PRRC1: variants seen among roughly 807,000 people sequenced by gnomAD.
The protein encoded by PRRC1 is protein PRRC1.
In PRRC1, 39 loss-of-function variants were observed where a neutral mutation model predicts 40.7. The observed-to-expected ratio is 0.96, with a 90% CI of 0.74 to 1.25. The LOEUF (loss-of-function observed/expected upper bound fraction) is 1.25. PRRC1 is among the 50% of genes most tolerant of loss of function. The pLI, the probability that PRRC1 is intolerant of heterozygous loss-of-function variation, is 0.00. For missense variants in PRRC1, 573 were observed against 548.3 expected, an observed-to-expected ratio of 1.05 and a Z score of -0.45; for synonymous variants, 175 against 193.3, an observed-to-expected ratio of 0.91 and a Z score of 0.79.
At chr5:127,518,731 CTTT>C (rs79976581) in intron 1 of PRRC1, among the ~76,000 whole-genome samples, 3 of 139,766 alleles carry the variant, frequency 2.1e-5, no homozygotes, top group Admixed American at 7.2e-5. Context: ...TAGACATCCA[CTTT>C]TTTTTTTTTT....
chr5:127,545,500 A>C (rs1431126302), intron 7 of PRRC1, among the ~76,000 whole-genome samples: 1 of 152,046 alleles, frequency 6.6e-6, no homozygotes, highest in Non-Finnish European at 1.5e-5. Flanking sequence ...CATGGATGAA[A>C]TTGGAAATCA....
intron 7 of PRRC1, among the ~76,000 whole-genome samples, chr5:127,544,564 C>T (rs1405817062): frequency 6.6e-6 from 1 of 152,256 alleles, no homozygotes; most frequent in Admixed American, 6.5e-5. Flanking sequence ...TTTTGTTTAC[C>T]TAAGCAAGTC....
chr5:127,543,033 T>A (rs151788), intron 7 of PRRC1, among the ~76,000 whole-genome samples: 1 of 147,380 alleles, frequency 6.8e-6, no homozygotes, highest in Non-Finnish European at 1.5e-5. Flanking sequence ...TTTCCATGTT[T>A]AGTGCTTCCT....
At chr5:127,528,385 G>C (rs1209886471) in intron 4 of PRRC1, among the ~76,000 whole-genome samples, 1 of 151,950 alleles carries the variant, frequency 6.6e-6, no homozygotes, top group Non-Finnish European at 1.5e-5. Flanking sequence ...TGCGATCTTG[G>C]CTTACTGCAA....
intron 6 of PRRC1, among the ~76,000 whole-genome samples, chr5:127,537,403 C>T (rs1767927088): frequency 6.6e-6 from 1 of 151,696 alleles, no homozygotes; most frequent in Non-Finnish European, 1.5e-5. Context: ...CAAAAGAGGC[C>T]ACATTTAATT....
At position 127,526,660 on chromosome 5, in the gene PRRC1, C is replaced by G; in HGVS notation, c.536C>G (p.Ser179Cys). The G allele has an allele frequency of 6.2e-7, 1 of 1,613,384 alleles. No individual in the cohort carries two copies. The highest frequency in any genetic ancestry group is 8.5e-7 in the Non-Finnish European group (1 of 1,179,618). The change falls in exon 4 of 9, where the codon TCT becomes TGT. Residue 179 changes from serine to cysteine, a missense_variant. Physicochemically the swap from Ser to Cys is moderately radical, Grantham distance 112. Transcript: ENST00000296666. ...ATTACTCAGCAAGCCAGTTTGACAT[C>G]TCTGGCACAGGGAACTGGAACCACA... The part of the protein sequence containing the change: ...TPITQQASLT[S>C]LAQGTGTTSA...
rs1454321167 is a variant in PRRC1, at chr5:127,517,660, C to G, written c.-137C>G. On this transcript the variant is annotated 5_prime_UTR_variant, in exon 1 of 9. Transcript: ENST00000296666. ...TGGCCATCTTGTAGGCGGGGACACGCCGAGGTAACTTCCAGGGTGCGCCTT... is the reference window on the plus strand; with the variant it reads ...TGGCCATCTTGTAGGCGGGGACACGGCGAGGTAACTTCCAGGGTGCGCCTT... 2.6e-5 allele frequency: 4 copies of G among 151,668 alleles called. No homozygotes were observed. The highest frequency in any genetic ancestry group is 5.9e-5 in the Non-Finnish European group (4 of 67,858). The allele number at this position is 151,668 out of a possible 1,614,324, so 9.4% of individuals were successfully genotyped here.
rs1181392419 is a variant in PRRC1, at chr5:127,533,658, A to C, written c.793A>C (p.Asn265His). 3 of 1,613,990 alleles carry C rather than the reference A, an allele frequency of 1.9e-6. No homozygotes were observed. The highest frequency in any genetic ancestry group is 2.5e-6 in the Non-Finnish European group (3 of 1,179,996). The change falls in exon 6 of 9, where the codon AAT becomes CAT. Residue 265 changes from asparagine to histidine, a missense_variant. By Grantham distance (68) the Asn-to-His change is moderately conservative. Coordinates refer to ENST00000296666, the MANE Select transcript of PRRC1 (RefSeq NM_130809.5). ...GGELDIVVTS[N>H]KEVKVAAVRD... The stretch of plus-strand genomic sequence containing the variant: ...TGAACTGGATATTGTAGTGACCTCA[A>C]ATAAAGAAGTAAAAGTTGCTGCTGT...
At chr5:127,549,456 G>A (rs563121584) in intron 8 of PRRC1, 1 of 148,214 alleles carries the variant, frequency 6.7e-6, no homozygotes, top group South Asian at 2.2e-4. Flanking sequence ...ATGTAATTCA[G>A]TACATGAACA....
At position 127,552,910 on chromosome 5, in the gene PRRC1, T is replaced by C; in HGVS notation, c.*994T>C. 1.1e-6 allele frequency: 1 copy of C among 940,236 alleles called. No individual in the cohort carries two copies. Among genetic ancestry groups the C allele is most frequent in the Non-Finnish European group, 1.3e-6 (1 of 788,974 alleles). 58.2% of individuals were successfully genotyped at this position (940,236 alleles called of 1,614,324 possible). A position where few individuals can be genotyped will look rare whatever the true frequency, so the allele number is the denominator to read the frequency against. ...ATTTGGTCTTTACTTTTTATGGATGTTTTCAAAGAAACTATTTTATATTCA... is the reference window on the plus strand; with the variant it reads ...ATTTGGTCTTTACTTTTTATGGATGCTTTCAAAGAAACTATTTTATATTCA... On this transcript the variant is annotated 3_prime_UTR_variant, in exon 9 of 9. Coordinates refer to ENST00000296666, the MANE Select transcript of PRRC1 (RefSeq NM_130809.5).
intron 5 of PRRC1, among the ~76,000 whole-genome samples, chr5:127,530,981 TCA>T (rs1249528592): frequency 6.6e-6 from 1 of 152,180 alleles, no homozygotes. Flanking sequence ...TGAAAAAATA[TCA>T]CAAGGCTTAG....
In PRRC1 at chr5:127,554,449, T is replaced by C. The variant is rs780202777; in HGVS notation, c.*2533T>C. 3 of 152,146 alleles carry C rather than the reference T, an allele frequency of 2.0e-5. No homozygotes were observed. Among genetic ancestry groups the C allele is most frequent in the African/African-American group, 2.4e-5 (1 of 41,430 alleles). 9.4% of individuals were successfully genotyped at this position (152,146 alleles called of 1,614,324 possible). On this transcript the variant is annotated 3_prime_UTR_variant, in exon 9 of 9. Transcript: ENST00000296666. ...ATACAAATTATTGAATTTTATAAGC[T>C]TGTACACAATATTTAATTAGTGTGA...
At chr5:127,538,271 A>G (rs189546720) in intron 6 of PRRC1, among the ~76,000 whole-genome samples, 16 of 152,122 alleles carry the variant, frequency 1.1e-4, no homozygotes, top group Non-Finnish European at 2.2e-4. Flanking sequence ...TTACCATTTA[A>G]TCTGATATTG....
chr5:127,551,833 A>C lies in PRRC1; in HGVS notation c.1255A>C (p.Met419Leu). Residue 419 changes from methionine (M) to leucine (L), a missense_variant, in exon 9 of 9, where the codon ATG (methionine) becomes CTG (leucine). Transcript: ENST00000296666. ...RTDWHMAFTG[M>L]SRRQMIYSAA... The stretch of plus-strand genomic sequence containing the variant: ...TGATTGGCACATGGCATTTACTGGG[A>C]TGTCCCGTCGGCAGATGATCTACAG... The C allele has an allele frequency of 6.2e-7, 1 of 1,614,088 alleles. No individual in the cohort carries two copies. Among genetic ancestry groups the C allele is most frequent in the South Asian group, 1.1e-5 (1 of 91,072 alleles).
intron 1 of PRRC1, among the ~76,000 whole-genome samples, chr5:127,522,709 A>G (rs1767491410): frequency 1.3e-5 from 2 of 150,968 alleles, no homozygotes; most frequent in Non-Finnish European, 1.5e-5. Flanking sequence ...TTTTTATGTT[A>G]ATGGGGTTAT....
intron 8 of PRRC1, chr5:127,549,562 T>G (rs1007442220): frequency 9.2e-5 from 14 of 152,186 alleles, no homozygotes; most frequent in Non-Finnish European, 1.5e-5. Context: ...CGGGTATGTG[T>G]GTACTACAAA....
chr5:127,526,636 T>C lies in PRRC1; in HGVS notation c.512T>C (p.Ile171Thr). Residue 171 changes from isoleucine to threonine, a missense_variant, in exon 4 of 9, where the codon ATT (isoleucine) becomes ACT (threonine). Transcript: ENST00000296666. ...TGATTAGGTCTTTTGCCAACTCCTA[T>C]TACTCAGCAAGCCAGTTTGACATCT... ...PSGTGLLPTPITQQASLTSLA... is the reference protein window; with the variant it reads ...PSGTGLLPTPTTQQASLTSLA... 1.2e-6 allele frequency: 2 copies of C among 1,612,124 alleles called. No individual in the cohort carries two copies. The highest frequency in any genetic ancestry group is 2.7e-5 in the African/African-American group (2 of 74,976).
intron 7 of PRRC1, among the ~76,000 whole-genome samples, chr5:127,544,322 TCAGGG>T (rs1768148563): frequency 1.3e-5 from 2 of 152,066 alleles, no homozygotes; most frequent in African/African-American, 4.8e-5. Flanking sequence ...TGCTCGGGGG[TCAGGG>T]GTCAGGGGCC....
intron 1 of PRRC1, among the ~76,000 whole-genome samples, chr5:127,519,710 C>T (rs1424053742): frequency 6.6e-6 from 1 of 152,204 alleles, no homozygotes. Flanking sequence ...TACGTAATCT[C>T]ATCTCAAAAC....
Sources: allele counts gnomAD v4.1 joint callset (sites outside exome capture counted in the v4.1 genomes callset), GRCh38; gene constraint gnomAD v4.1.1; transcripts MANE v1.5; gene names NCBI Gene and HGNC (gene_info 2026-07-23, HGNC 2026-07-21).